NAV1: variants seen among roughly 807,000 people sequenced by gnomAD.
NAV1 encodes the protein neuron navigator 1.
A neutral mutation model predicts 175.2 loss-of-function variants in NAV1; 18 were observed. The observed-to-expected ratio is 0.10, with a 90% confidence interval of 0.07 to 0.15. The LOEUF is 0.15. Among genes scored for constraint, NAV1 ranks in the 10% least tolerant of loss-of-function variants. NAV1 has a pLI of 1.00. For missense variants in NAV1, 1,731 were observed against 2,436.6 expected, an observed-to-expected ratio of 0.71 and a Z score of 6.10; for synonymous variants, 897 against 978.7, an observed-to-expected ratio of 0.92 and a Z score of 1.56.
chr1:201,739,057 C>A (rs567804125), intron 3 of NAV1, among the ~76,000 whole-genome samples: 1 of 152,280 alleles, frequency 6.6e-6, no homozygotes, highest in Admixed American at 6.5e-5. Flanking sequence ...CAGGAGGACC[C>A]TCAGGGGGGA....
At chr1:201,642,558 T>TTCTTTCTTCCC (rs1668822722) in intron 2 of NAV1, among the ~76,000 whole-genome samples, 3 of 104,440 alleles carry the variant, frequency 2.9e-5, no homozygotes, top group African/African-American at 9.1e-5. Flanking sequence ...TCTTTCTTTT[T>TTCTTTCTTCCC]TCCCTTTCTT....
Position 201,677,625 on chromosome 1 carries a change from T to TTTTG in NAV1, c.757+28216_757+28219dup, listed in dbSNP as rs537842893. 2.6e-4 allele frequency among the ~76,000 whole-genome samples: 40 copies of TTTTG among 152,174 alleles called. No homozygotes were observed. The East Asian group carries it at 2.7e-3, about 10-fold the overall frequency. On this transcript the variant is annotated intron_variant, in intron 1 of 29. Coordinates refer to ENST00000367296, the Ensembl canonical transcript of NAV1. ...TCCCTTCCCCTAAACTCACCATCTT[T>TTTTG]TTTGTTTGTTTGTTTGTTTCATTTC...
At chr1:201,546,552 A>T (rs530731253) in intron 1 of NAV1, among the ~76,000 whole-genome samples, 67 of 152,316 alleles carry the variant, frequency 4.4e-4, no homozygotes, top group Non-Finnish European at 8.2e-4. Flanking sequence ...GATTGTTGAC[A>T]TTTTGCTAGA....
intron 1 of NAV1, among the ~76,000 whole-genome samples, chr1:201,671,750 C>T (rs911219595): frequency 6.6e-6 from 1 of 152,166 alleles, no homozygotes; most frequent in Non-Finnish European, 1.5e-5. Context: ...ATCTGGTCAG[C>T]AGACCTGGCC....
At chr1:201,678,086 G>A (rs188418171) in intron 1 of NAV1, among the ~76,000 whole-genome samples, 84 of 152,310 alleles carry the variant, frequency 5.5e-4, no homozygotes, top group African/African-American at 1.9e-3. Context: ...GAGGCACCAT[G>A]AATTAAACAT....
chr1:201,753,427 TTA>T (rs1395350648), intron 3 of NAV1, among the ~76,000 whole-genome samples: 1 of 152,236 alleles, frequency 6.6e-6, no homozygotes, highest in African/African-American at 2.4e-5. Flanking sequence ...TTTGGTGACC[TTA>T]TGTTTGACTA....
chr1:201,765,690 C>T (rs1224343753), intron 3 of NAV1, among the ~76,000 whole-genome samples: 10 of 152,104 alleles, frequency 6.6e-5, no homozygotes, highest in South Asian at 4.1e-4. Flanking sequence ...CCACCACACC[C>T]GGCCCAGGAA....
At chr1:201,545,937 G>T (rs1242888598) in intron 1 of NAV1, among the ~76,000 whole-genome samples, 1 of 152,206 alleles carries the variant, frequency 6.6e-6, no homozygotes, top group Non-Finnish European at 1.5e-5. Context: ...CCATAATAAA[G>T]GATTTCAAGA....
At chr1:201,676,083 C>T (rs987625262) in intron 1 of NAV1, among the ~76,000 whole-genome samples, 137 of 152,304 alleles carry the variant, frequency 9.0e-4, no homozygotes, top group African/African-American at 3.0e-3. Context: ...AGTATGCTGG[C>T]CGGTTCTGCT....
chr1:201,737,014 C>T (rs1424489745), intron 3 of NAV1, among the ~76,000 whole-genome samples: 1 of 151,884 alleles, frequency 6.6e-6, no homozygotes, highest in Non-Finnish European at 1.5e-5. Context: ...TCAAGACAAC[C>T]GTGCCACCAT....
intron 1 of NAV1, among the ~76,000 whole-genome samples, chr1:201,684,832 G>A (rs570540202): frequency 2.0e-5 from 3 of 151,092 alleles, no homozygotes; most frequent in African/African-American, 4.9e-5. Flanking sequence ...GTGTGGTGGC[G>A]AGCGCCTGTA....
chr1:201,629,378 G>A, intron 1 of NAV1, 26 bp from the exon 4 acceptor site: 1 of 1,293,616 alleles, frequency 7.7e-7, no homozygotes, highest in South Asian at 1.2e-5. Context: ...TCTACCATGA[G>A]TGACTACCCT....
intron 2 of NAV1, among the ~76,000 whole-genome samples, chr1:201,638,552 G>C (rs1244372373): frequency 1.3e-5 from 2 of 152,200 alleles, no homozygotes; most frequent in Non-Finnish European, 2.9e-5. Flanking sequence ...CAGGATCCCA[G>C]ACTTTCCTGC....
chr1:201,806,682 A>G (rs1022233718), intron 17 of NAV1, among the ~76,000 whole-genome samples: 35 of 152,202 alleles, frequency 2.3e-4, no homozygotes, highest in Non-Finnish European at 4.9e-4. Context: ...TTGGTTCTTC[A>G]TCTCTACAGA....
intron 3 of NAV1, among the ~76,000 whole-genome samples, chr1:201,754,694 T>A (rs1158727633): frequency 6.6e-6 from 1 of 152,204 alleles, no homozygotes; most frequent in Admixed American, 6.5e-5. Flanking sequence ...AAACTAGACA[T>A]AACTATCTCC....
chr1:201,690,027 A>G (rs1670843422), intron 1 of NAV1, among the ~76,000 whole-genome samples: 1 of 110,434 alleles, frequency 9.1e-6, no homozygotes, highest in Non-Finnish European at 1.8e-5. Context: ...TCTGTGGCCT[A>G]TATGTGGCAG....
At chr1:201,648,039 G>C (rs1459503206), upstream of NAV1, among the ~76,000 whole-genome samples, 15 of 108,510 alleles carry the variant, frequency 1.4e-4, no homozygotes, top group African/African-American at 5.6e-4. Context: ...CTGGAGCTCC[G>C]CTCGCAGATA....
chr1:201,735,870 G>A (rs1214854910), intron 3 of NAV1, among the ~76,000 whole-genome samples: 2 of 152,210 alleles, frequency 1.3e-5, no homozygotes, highest in African/African-American at 4.8e-5. Context: ...GATTAAGGAT[G>A]TGGCCAGGTA....
chr1:201,541,231 C>T (rs1331683159), intron 1 of NAV1, among the ~76,000 whole-genome samples: 1 of 152,218 alleles, frequency 6.6e-6, no homozygotes, highest in Non-Finnish European at 1.5e-5. Context: ...ACTCAGCACA[C>T]AGTAGGCACT....
Sources: allele counts gnomAD v4.1 joint callset (sites outside exome capture counted in the v4.1 genomes callset), GRCh38; gene constraint gnomAD v4.1.1; transcripts MANE v1.5; gene names NCBI Gene and HGNC (gene_info 2026-07-23, HGNC 2026-07-21).